UPK1A: variants seen among roughly 807,000 people sequenced by gnomAD.
UPK1A encodes the protein uroplakin 1A, also known as uroplakin-1a.
In UPK1A, 31 loss-of-function variants were observed where a neutral mutation model predicts 32.3. The ratio of observed to expected loss-of-function variants is 0.96; its 90% CI spans 0.72 to 1.30. The LOEUF (loss-of-function observed/expected upper bound fraction) is 1.30. Ranked by LOEUF, UPK1A falls within the 50% of genes most tolerant of loss-of-function variation. The pLI is 0.00. For missense variants in UPK1A, 340 were observed against 357.4 expected (o/e 0.95, Z 0.39); for synonymous variants, 135 against 137.1 (o/e 0.98, Z 0.11).
At chr19:35,675,695 C>T in intron 5 of UPK1A, 145 bp from the exon 6 acceptor site, 1 of 880,634 alleles carries the variant, frequency 1.1e-6, no homozygotes, top group Non-Finnish European at 1.7e-6. Context: ...ACCCACCGGA[C>T]ACACTCGCTT....
chr19:35,667,925 G>C (rs1017744045), intron 2 of UPK1A: 1 of 193,822 alleles, frequency 5.2e-6, no homozygotes, highest in Non-Finnish European at 1.1e-5. Context: ...AAGTAGCTGG[G>C]ACTACAGGTG....
intron 3 of UPK1A, 115 bp from the exon 4 acceptor site, chr19:35,673,117 C>A: frequency 1.1e-6 from 1 of 922,278 alleles, no homozygotes; most frequent in Non-Finnish European, 1.7e-6. Context: ...ATAGATGCTG[C>A]TAGTCACACT....
At chr19:35,677,598 C>T (rs116378106) in intron 6 of UPK1A, among the ~76,000 whole-genome samples, 2,161 of 151,988 alleles carry the variant, frequency 0.014, 52 homozygotes, top group African/African-American at 0.049. Context: ...ATCAGCAGGG[C>T]GGCACCTACT....
intron 2 of UPK1A, 30 bp downstream of exon 2, chr19:35,666,926 G>A (rs1599627925): frequency 1.2e-6 from 2 of 1,611,744 alleles, no homozygotes; most frequent in South Asian, 2.2e-5. Context: ...TGGGAGCCGA[G>A]TGGTTGTGTG....
exon 3 of UPK1A, chr19:35,668,571 A>G (rs1393143267): frequency 6.8e-6 from 11 of 1,614,128 alleles, no homozygotes; most frequent in Non-Finnish European, 7.6e-6. Flanking sequence ...CTGGATTGCC[A>G]TCTTCTGCGG....
exon 3 of UPK1A, chr19:35,668,582 C>T: frequency 6.2e-7 from 1 of 1,613,994 alleles, no homozygotes; most frequent in Non-Finnish European, 8.5e-7. Flanking sequence ...TCTTCTGCGG[C>T]TTCTCCTTCT....
At chr19:35,676,186 TCTTTCTTTC>T in intron 6 of UPK1A, 167 bp downstream of exon 6, 2 of 887,612 alleles carry the variant, frequency 2.3e-6, no homozygotes, top group Non-Finnish European at 3.4e-6. Flanking sequence ...TTTCTTTCTT[TCTTTCTTTC>T]TTTTTTTTTT....
chr19:35,668,794 C>T (rs895265953), intron 3 of UPK1A, 140 bp downstream of exon 3: 4 of 962,630 alleles, frequency 4.2e-6, no homozygotes, highest in Non-Finnish European at 6.1e-6. Context: ...TCATCTCATT[C>T]AGTCTTCCCA....
At chr19:35,677,775 G>A in intron 6 of UPK1A, 37 bp from the exon 7 acceptor site, 1 of 1,610,796 alleles carries the variant, frequency 6.2e-7, no homozygotes, top group South Asian at 1.1e-5. Context: ...CTACCCTCAT[G>A]GGCGTCTTCT....
In UPK1A at chr19:35,675,888, T is replaced by A. The variant is rs769359108; in HGVS notation, c.517T>A (p.Ser173Thr). The A allele has an allele frequency of 6.1e-5, 99 of 1,614,044 alleles. 2 individuals are homozygous for A. The South Asian group carries it at 1.0e-3, about 17-fold the overall frequency. ...TCCCATGGACTGGGTGAACTTCACG[T>A]CAGCCTTCCGGGCGGCCACTCCGGA... The change falls in exon 6 of 8, where the codon TCA becomes ACA. Residue 173 changes from serine (S) to threonine (T), a missense_variant. Ser to Thr is a moderately conservative substitution (Grantham distance 58). Transcript: ENST00000617999.
At chr19:35,666,990 C>G (rs1968008822) in intron 2 of UPK1A, 94 bp downstream of exon 2, 4 of 1,300,844 alleles carry the variant, frequency 3.1e-6, no homozygotes, top group South Asian at 1.2e-5. Context: ...CCAGAACTGT[C>G]TCTCGGGCAG....
At chr19:35,666,574 G>A in intron 1 of UPK1A, 36 bp downstream of exon 1, 2 of 540,928 alleles carry the variant, frequency 3.7e-6, no homozygotes, top group Middle Eastern at 5.1e-4. Context: ...GGTATGGCAT[G>A]AGGGGTCTGA....
In UPK1A at chr19:35,676,224, T is replaced by G. The variant is rs1427459506; in HGVS notation, c.648+205T>G. 6 of 703,800 alleles carry G rather than the reference T, an allele frequency of 8.5e-6. No individual in the cohort carries two copies. In the East Asian group the frequency reaches 1.7e-4, roughly 20 times the overall value. The allele number at this position is 703,800 out of a possible 1,614,324, so 43.6% of individuals were successfully genotyped here. A position where few individuals can be genotyped will look rare whatever the true frequency, so the allele number is the denominator to read the frequency against. On this transcript the variant is annotated intron_variant, in intron 6 of 7. Coordinates refer to ENST00000617999, the Ensembl canonical transcript of UPK1A. ...TTTTTTTTTCAAGACCGAGTCCTGC[T>G]CTGTCACCCAGGCTGGAGTACAGTG...
chr19:35,673,940 C>G (rs1477547287), intron 5 of UPK1A, among the ~76,000 whole-genome samples: 1 of 152,204 alleles, frequency 6.6e-6, no homozygotes, highest in Non-Finnish European at 1.5e-5. Flanking sequence ...TGGGGTCTTG[C>G]TCTGTTGCCC....
intron 2 of UPK1A, chr19:35,668,144 G>A (rs1968026538): frequency 6.7e-6 from 3 of 450,110 alleles, no homozygotes; most frequent in South Asian, 6.4e-5. Context: ...TAACAGCACT[G>A]TCAAGGGAGG....
chr19:35,672,274 T>C (rs950372023), intron 3 of UPK1A, among the ~76,000 whole-genome samples: 46 of 152,364 alleles, frequency 3.0e-4, no homozygotes, highest in African/African-American at 1.1e-3. Context: ...GTTTGTTTTA[T>C]TTTAAGAGAC....
intron 3 of UPK1A, among the ~76,000 whole-genome samples, chr19:35,670,422 T>C (rs1335874612): frequency 4.7e-5 from 5 of 106,594 alleles, no homozygotes; most frequent in African/African-American, 1.8e-4. Context: ...CCTTCCTTCC[T>C]TCGTTTTTCT....
chr19:35,676,178 TC>T, intron 6 of UPK1A, 159 bp downstream of exon 6: 1 of 723,218 alleles, frequency 1.4e-6, no homozygotes, highest in Non-Finnish European at 2.1e-6. Flanking sequence ...TCTTTTTCTT[TC>T]TTTCTTTCTT....
At chr19:35,671,044 C>G (rs1453669572) in intron 3 of UPK1A, among the ~76,000 whole-genome samples, 2 of 151,850 alleles carry the variant, frequency 1.3e-5, no homozygotes. Flanking sequence ...ATTTAATTAT[C>G]TGGCATAACA....
Sources: allele counts gnomAD v4.1 joint callset (sites outside exome capture counted in the v4.1 genomes callset), GRCh38; gene constraint gnomAD v4.1.1; transcripts MANE v1.5; gene names NCBI Gene and HGNC (gene_info 2026-07-23, HGNC 2026-07-21).